Variants in XPNPEP2 observed in about 807,000 individuals in gnomAD.
The protein encoded by XPNPEP2 is xaa-Pro aminopeptidase 2.
Under a neutral mutation model 59.8 loss-of-function variants are expected in XPNPEP2, and 64 were observed. That is an observed-to-expected ratio of 1.07 (90% confidence interval 0.87 to 1.32). The LOEUF (loss-of-function observed/expected upper bound fraction) is 1.32, where lower values mean the gene tolerates loss of function less well. Among genes scored for constraint, XPNPEP2 ranks in the 40% most tolerant of loss-of-function variants. The pLI, the probability that XPNPEP2 is intolerant of heterozygous loss-of-function variation, is 0.00. For synonymous variants in XPNPEP2, 235 were observed against 210.0 expected, an observed-to-expected ratio of 1.12 and a Z score of -1.03; for missense variants, 575 against 546.8, an observed-to-expected ratio of 1.05 and a Z score of -0.51.
intron 2 of XPNPEP2, among the ~76,000 whole-genome samples, chrX:129,742,667 C>T (rs1377384940): frequency 2.7e-5 from 3 of 111,190 alleles, no homozygotes; most frequent in Non-Finnish European, 5.7e-5. Flanking sequence ...TTTGGGAGAC[C>T]GAGCCAGGTG....
intron 2 of XPNPEP2, among the ~76,000 whole-genome samples, chrX:129,743,403 G>A (rs1354263199): frequency 8.9e-6 from 1 of 112,301 alleles, no homozygotes; most frequent in Non-Finnish European, 1.9e-5. Context: ...CCTGCCAAGG[G>A]AAGGTTGCCA....
At chrX:129,741,645 C>T (rs1926184079) in intron 1 of XPNPEP2, among the ~76,000 whole-genome samples, 1 of 112,015 alleles carries the variant, frequency 8.9e-6, no homozygotes, top group African/African-American at 3.2e-5. Context: ...CTGTAAGAAA[C>T]AGTGCAAGCA....
chrX:129,746,453 G>C, intron 5 of XPNPEP2, 113 bp downstream of exon 5: 3 of 930,451 alleles, frequency 3.2e-6, no homozygotes, highest in Middle Eastern at 3.1e-4. Flanking sequence ...GGGGAGCTTA[G>C]GAAATTTGAG....
intron 14 of XPNPEP2, among the ~76,000 whole-genome samples, chrX:129,757,023 T>TATATATATATATATATATATATAC (rs1491537516): frequency 1.3e-5 from 1 of 77,736 alleles, no homozygotes; most frequent in African/African-American, 6.7e-5. Context: ...TATATATATA[T>TATATATATATATATATATATATAC]ACACACACAC....
rs575430120 is a variant in XPNPEP2, at chrX:129,745,220, A to G, written c.252A>G (p.Gln84=). ...TTTCCTAGAACGAGTACATCGGCCA[A>G]CATGACGAGAGGCGTGCGTGGATTA... ...TDAHMNEYIG[Q]HDERRAWITG... is the part of the protein sequence containing the mutation. The change falls in exon 4 of 21, where the codon CAA becomes CAG. Residue 84 remains glutamine, a synonymous_variant. Coordinates refer to ENST00000371106, the MANE Select transcript of XPNPEP2 (RefSeq NM_003399.6). The G allele has an allele frequency of 3.7e-4, 451 of 1,209,759 alleles. 7 individuals carry two copies. In the South Asian group the frequency reaches 7.4e-3, roughly 20 times the overall value.
chrX:129,746,329 TC>T lies in XPNPEP2; in HGVS notation c.394del (p.His132IlefsTer156). ...AERQMDCNWE[L>X]HKEVGTTPIV... ...CGGCAGATGGACTGCAACTGGGAGC[TC>T]CATAAGGAAGGTAGAAGGGCCGCAT... On this transcript the variant is annotated frameshift_variant, in exon 5 of 21. Coordinates refer to ENST00000371106, the MANE Select transcript of XPNPEP2 (RefSeq NM_003399.6). LOFTEE classifies it high-confidence loss of function. 8.3e-7 allele frequency: 1 copy of T among 1,208,756 alleles called. No individual in the cohort carries two copies. Among genetic ancestry groups the T allele is most frequent in the South Asian group, 1.8e-5 (1 of 56,860 alleles).
intron 18 of XPNPEP2, among the ~76,000 whole-genome samples, 192 bp downstream of exon 18, chrX:129,762,257 C>A (rs1926670693): frequency 9.0e-6 from 1 of 111,723 alleles, no homozygotes; most frequent in Non-Finnish European, 1.9e-5. Context: ...CTCCCCTCAG[C>A]CCAGACCCTC....
Position 129,761,221 on chromosome X carries a change from C to T in XPNPEP2, c.1548C>T (p.Leu516=). 1 of 1,211,920 alleles carries T rather than the reference C, an allele frequency of 8.3e-7. No individual in the cohort carries two copies. Among genetic ancestry groups the T allele is most frequent in the Non-Finnish European group, 1.1e-6 (1 of 895,547 alleles). Residue 516 remains leucine, a synonymous_variant, in exon 17 of 21, where the codon CTC becomes CTT. Transcript: ENST00000371106. The part of the protein sequence containing the change: ...FARRALWDAG[L]NYGHGTGHGI... ...GCAGAGCCTTGTGGGATGCTGGTCTCAATTATGGTCATGGGACAGGCCACG... is the reference window on the plus strand; with the variant it reads ...GCAGAGCCTTGTGGGATGCTGGTCTTAATTATGGTCATGGGACAGGCCACG...
At chrX:129,751,291 T>G (rs1197091477) in intron 8 of XPNPEP2, among the ~76,000 whole-genome samples, 2 of 109,134 alleles carry the variant, frequency 1.8e-5, no homozygotes, top group Non-Finnish European at 3.8e-5. Flanking sequence ...GCGGATCACC[T>G]GAAGTCAGGA....
Position 129,750,540 on chromosome X carries a change from T to C in XPNPEP2, c.710T>C (p.Val237Ala). 1 of 1,191,533 alleles carries C rather than the reference T, an allele frequency of 8.4e-7. No homozygotes were observed. The highest frequency in any genetic ancestry group is 1.1e-6 in the Non-Finnish European group (1 of 885,665). The change falls in exon 8 of 21, where the codon GTC (valine) becomes GCC (alanine). Residue 237 changes from valine (V) to alanine (A), a missense_variant. Coordinates refer to ENST00000371106, the MANE Select transcript of XPNPEP2 (RefSeq NM_003399.6). ...MQKHQKVPTA[V>A]LLSALEETAW... ...AAGCATCAAAAGGTCCCGACTGCCGTCCTTCTGTCGGCGCTTGAGGAGACG... is the reference window on the plus strand; with the variant it reads ...AAGCATCAAAAGGTCCCGACTGCCGCCCTTCTGTCGGCGCTTGAGGAGACG...
chrX:129,739,367 T>A, intron 1 of XPNPEP2, 105 bp downstream of exon 1: 3 of 846,428 alleles, frequency 3.5e-6, no homozygotes, highest in Non-Finnish European at 5.0e-6. Context: ...TTTCTGTTGC[T>A]TCCTCTCTCT....
chrX:129,747,622 AT>A lies in XPNPEP2; in HGVS notation c.507del (p.Tyr169Ter). On this transcript the variant is annotated frameshift_variant, in exon 7 of 21. Transcript: ENST00000371106. LOFTEE classifies it high-confidence loss of function. ...FLLSIDTWES[Y>X]DLALQGSNRQ... is the part of the protein sequence containing the mutation. ...GTCTCTGCAGACACCTGGGAGAGTT[AT>A]GATCTGGCCCTCCAAGGCTCTAACA... The A allele has an allele frequency of 8.3e-7, 1 of 1,211,743 alleles. No homozygotes were observed.
At chrX:129,751,967 A>C in intron 9 of XPNPEP2, 141 bp downstream of exon 9, 2 of 803,133 alleles carry the variant, frequency 2.5e-6, no homozygotes, top group Non-Finnish European at 3.6e-6. Context: ...CCTTTAGAAA[A>C]CCCCCTGTTG....
At chrX:129,750,836 G>A (rs1007485112) in intron 8 of XPNPEP2, among the ~76,000 whole-genome samples, 1 of 112,185 alleles carries the variant, frequency 8.9e-6, no homozygotes, top group African/African-American at 3.2e-5. Context: ...GCAGCAAAGT[G>A]CTTCTGTCCC....
chrX:129,751,052 G>A (rs1267550757), intron 8 of XPNPEP2, among the ~76,000 whole-genome samples: 2 of 109,011 alleles, frequency 1.8e-5, no homozygotes, highest in African/African-American at 6.7e-5. Context: ...CATTTTTCTG[G>A]GGGGAAAAGA....
chrX:129,756,657 C>T (rs1274495096), intron 14 of XPNPEP2, 102 bp downstream of exon 14: 14 of 883,619 alleles, frequency 1.6e-5, no homozygotes, highest in Non-Finnish European at 9.8e-6. Context: ...ACGGATTCTT[C>T]GTCTGAAAAA....
chrX:129,767,217 A>AAAAAT (rs1221428062), intron 19 of XPNPEP2, among the ~76,000 whole-genome samples: 1 of 111,764 alleles, frequency 8.9e-6, no homozygotes, highest in Non-Finnish European at 1.9e-5. Context: ...CTATCTCAAA[A>AAAAAT]AAAATAAAAT....
At chrX:129,761,718 G>A (rs1187692224) in intron 17 of XPNPEP2, among the ~76,000 whole-genome samples, 2 of 111,907 alleles carry the variant, frequency 1.8e-5, no homozygotes, top group Non-Finnish European at 3.8e-5. Context: ...TGGCTACTCG[G>A]GAGGCTGAGG....
At position 129,759,222 on chromosome X, in the gene XPNPEP2, C is replaced by T. The variant is rs1289493615; in HGVS notation, c.1410C>T (p.Thr470=). 1 of 1,210,087 alleles carries T rather than the reference C, an allele frequency of 8.3e-7. No individual in the cohort carries two copies. The highest frequency in any genetic ancestry group is 2.2e-5 in the Admixed American group (1 of 45,802). ...TCACCAGAACAGTCCACTGGGGCAC[C>T]CCCTCTGCCTTCCAGAAGGTAAGCA... The part of the protein sequence containing the change: ...TDITRTVHWG[T]PSAFQKEAYT... The change falls in exon 15 of 21, where the codon ACC becomes ACT. Residue 470 remains threonine (T), a synonymous_variant. Coordinates refer to ENST00000371106, the MANE Select transcript of XPNPEP2 (RefSeq NM_003399.6).
Sources: gnomAD v4.1 joint callset for allele counts (sites outside exome capture counted in the v4.1 genomes callset) on GRCh38, gnomAD v4.1.1 for gene constraint, MANE v1.5 for transcripts, NCBI Gene and HGNC (gene_info 2026-07-23, HGNC 2026-07-21) for gene names.